SDK1: variants seen among roughly 807,000 people sequenced by gnomAD.
SDK1 encodes protein sidekick-1.
A neutral mutation model predicts 245.5 loss-of-function variants in SDK1; 157 were observed. The observed-to-expected ratio is 0.64, with a 90% confidence interval of 0.56 to 0.73. The LOEUF is 0.73. Ranked by LOEUF, SDK1 falls within the 30% of genes least tolerant of loss-of-function variation. The pLI, the probability that SDK1 is intolerant of heterozygous loss-of-function variation, is 0.00. For missense variants in SDK1, 3,583 were observed against 3,002.3 expected (o/e 1.19, Z -4.52); for synonymous variants, 1,647 against 1,278.5 (o/e 1.29, Z -6.15).
chr7:3,311,294 C>G (rs1417762110), intron 1 of SDK1, among the ~76,000 whole-genome samples: 1 of 152,022 alleles, frequency 6.6e-6, no homozygotes, highest in South Asian at 2.1e-4. Context: ...AATGGTCAGT[C>G]TTGCTTAGAG....
chr7:3,370,287 T>C (rs563121010), intron 1 of SDK1, among the ~76,000 whole-genome samples: 2 of 152,350 alleles, frequency 1.3e-5, no homozygotes, highest in African/African-American at 2.4e-5. Flanking sequence ...CAGATGGCTC[T>C]TTCTCTTCAG....
At chr7:3,546,231 C>T (rs1205532594) in intron 1 of SDK1, among the ~76,000 whole-genome samples, 1 of 152,108 alleles carries the variant, frequency 6.6e-6, no homozygotes, top group Non-Finnish European at 1.5e-5. Context: ...GGTCTGGGAA[C>T]CACACTGTAA....
intron 1 of SDK1, among the ~76,000 whole-genome samples, chr7:3,480,080 A>T (rs965628357): frequency 2.6e-5 from 4 of 152,218 alleles, no homozygotes; most frequent in Non-Finnish European, 5.9e-5. Context: ...GGGAATTAAG[A>T]TAGCAGAAGG....
chr7:3,491,078 T>G (rs1257414611), intron 1 of SDK1, among the ~76,000 whole-genome samples: 1 of 152,232 alleles, frequency 6.6e-6, no homozygotes, highest in Non-Finnish European at 1.5e-5. Flanking sequence ...TATCCCATTT[T>G]ATAGATTACA....
chr7:3,920,117 T>C (rs1277813613), intron 5 of SDK1, among the ~76,000 whole-genome samples: 1 of 151,996 alleles, frequency 6.6e-6, no homozygotes, highest in East Asian at 1.9e-4. Flanking sequence ...TGGCGGTGAG[T>C]TCACCCCCAC....
chr7:3,738,889 C>T (rs1242528689), intron 4 of SDK1, among the ~76,000 whole-genome samples: 1 of 151,958 alleles, frequency 6.6e-6, no homozygotes, highest in African/African-American at 2.4e-5. Flanking sequence ...TATCATTTTG[C>T]TAAATGTGTT....
chr7:4,174,385 A>G (rs766175273), intron 33 of SDK1, 28 bp downstream of exon 33: 11 of 1,610,592 alleles, frequency 6.8e-6, no homozygotes, highest in Middle Eastern at 3.3e-4. Context: ...GTCCTGGTAC[A>G]GGGAGGGAGG....
chr7:4,086,085 T>C (rs1341801510), intron 22 of SDK1, among the ~76,000 whole-genome samples: 2 of 152,220 alleles, frequency 1.3e-5, no homozygotes, highest in Non-Finnish European at 2.9e-5. Flanking sequence ...TCTGCGTATA[T>C]GTGTACTTCC....
At chr7:4,011,997 A>G in intron 15 of SDK1, 98 bp from the exon 16 acceptor site, 1 of 1,087,068 alleles carries the variant, frequency 9.2e-7, no homozygotes, top group East Asian at 2.9e-5. Flanking sequence ...TTTTGTGAAT[A>G]GTCAGGCTCA....
At chr7:4,253,327 G>A (rs1456731190) in intron 44 of SDK1, among the ~76,000 whole-genome samples, 1 of 151,952 alleles carries the variant, frequency 6.6e-6, no homozygotes, top group Non-Finnish European at 1.5e-5. Flanking sequence ...AATATGTTGT[G>A]TTTTTGTTTT....
intron 1 of SDK1, among the ~76,000 whole-genome samples, chr7:3,317,590 T>C (rs955517849): frequency 6.6e-6 from 1 of 152,112 alleles, no homozygotes; most frequent in African/African-American, 2.4e-5. Context: ...TCATTGACTA[T>C]CTTTAAGTGG....
At chr7:3,710,047 G>C (rs1342460891) in intron 4 of SDK1, among the ~76,000 whole-genome samples, 1 of 152,200 alleles carries the variant, frequency 6.6e-6, no homozygotes, top group African/African-American at 2.4e-5. Flanking sequence ...AAAAATCAGA[G>C]ATTTTATTAA....
rs1424158886 is a variant in SDK1, at chr7:3,301,526, G to A, written c.-61G>A. On this transcript the variant is annotated 5_prime_UTR_variant, in exon 1 of 45. Coordinates refer to ENST00000404826, the MANE Select transcript of SDK1 (RefSeq NM_152744.4). Reference sequence around the variant, plus strand: ...GGAGTGGCCGCGCCCGCTCGGAGCCGTCCCGCCTGTCCTGCCCGCCCGTCC... The same window carrying A: ...GGAGTGGCCGCGCCCGCTCGGAGCCATCCCGCCTGTCCTGCCCGCCCGTCC... 17 of 609,346 alleles carry A rather than the reference G, an allele frequency of 2.8e-5. 1 individual carries two copies. The highest frequency in any genetic ancestry group is 3.3e-5 in the Non-Finnish European group (16 of 490,418). The allele number at this position is 609,346 out of a possible 1,614,324, so 37.7% of individuals were successfully genotyped here. A position where few individuals can be genotyped will look rare whatever the true frequency, so the allele number is the denominator to read the frequency against.
At position 3,972,630 on chromosome 7, in the gene SDK1, A is replaced by C. The variant is rs151228998; in HGVS notation, c.1817+1062A>C. Among the ~76,000 whole-genome samples the C allele has an allele frequency of 7.1e-3, 1,082 of 152,362 alleles. 20 individuals are homozygous for C. The highest frequency in any genetic ancestry group is 0.025 in the African/African-American group (1,030 of 41,596). On this transcript the variant is annotated intron_variant, in intron 12 of 44. Coordinates refer to ENST00000404826, the MANE Select transcript of SDK1 (RefSeq NM_152744.4). ...CCTTAGCCCAGAAGGGGCACAGTGC[A>C]TGAGTCGAATGGGCAGACTACTCAA...
chr7:3,468,555 A>G (rs1286310196), intron 1 of SDK1, among the ~76,000 whole-genome samples: 1 of 152,172 alleles, frequency 6.6e-6, no homozygotes, highest in East Asian at 1.9e-4. Flanking sequence ...AACTAGCCAG[A>G]AGAACATTGT....
chr7:4,074,886 G>GTGTGTATATATA (rs1401453083), intron 20 of SDK1, among the ~76,000 whole-genome samples: 2 of 48,124 alleles, frequency 4.2e-5, no homozygotes, highest in African/African-American at 3.2e-4. Context: ...CTCTCTCTCT[G>GTGTGTATATATA]TATATATATA....
At chr7:3,821,025 T>C (rs928969939) in intron 4 of SDK1, among the ~76,000 whole-genome samples, 1 of 152,232 alleles carries the variant, frequency 6.6e-6, no homozygotes, top group Non-Finnish European at 1.5e-5. Context: ...TGAGGCTCCC[T>C]CGAGGTGGAG....
At chr7:3,568,815 A>G (rs1033631781) in intron 1 of SDK1, among the ~76,000 whole-genome samples, 1 of 152,192 alleles carries the variant, frequency 6.6e-6, no homozygotes, top group African/African-American at 2.4e-5. Context: ...CCCTTCAGGC[A>G]CCACACAAAT....
At chr7:3,738,146 C>T (rs140471059) in intron 4 of SDK1, among the ~76,000 whole-genome samples, 1 of 152,190 alleles carries the variant, frequency 6.6e-6, no homozygotes, top group African/African-American at 2.4e-5. Flanking sequence ...TGAATCTTCT[C>T]TCTTATGTTT....
Sources: allele counts gnomAD v4.1 joint callset (sites outside exome capture counted in the v4.1 genomes callset), GRCh38; gene constraint gnomAD v4.1.1; transcripts MANE v1.5; gene names NCBI Gene and HGNC (gene_info 2026-07-23, HGNC 2026-07-21).